The following GRID1 variants were observed in gnomAD, a reference collection of about 807,000 sequenced individuals.
GRID1 encodes glutamate ionotropic receptor delta type subunit 1.
Under a neutral mutation model 98.0 loss-of-function variants are expected in GRID1, and 28 were observed. That is an observed-to-expected ratio of 0.29 (90% CI 0.21 to 0.39). The LOEUF is 0.39. Ranked by LOEUF, GRID1 falls within the 10% of genes least tolerant of loss-of-function variation. GRID1 has a pLI of 1.00. For synonymous variants in GRID1, 553 were observed against 538.5 expected, an observed-to-expected ratio of 1.03 and a Z score of -0.37; for missense variants, 1,111 against 1,340.5, an observed-to-expected ratio of 0.83 and a Z score of 2.67.
intron 15 of GRID1, among the ~76,000 whole-genome samples, chr10:85,608,248 G>A (rs1842695028): frequency 1.3e-5 from 2 of 152,118 alleles, no homozygotes. Context: ...TAAATCAGTG[G>A]TTTTCATCCT....
intron 2 of GRID1, among the ~76,000 whole-genome samples, chr10:86,217,161 G>A (rs1564709305): frequency 6.6e-6 from 1 of 152,106 alleles, no homozygotes; most frequent in Admixed American, 6.5e-5. Flanking sequence ...TTACAGCATT[G>A]CCTAAAATCA....
chr10:85,991,100 G>A (rs1198349915), intron 4 of GRID1, among the ~76,000 whole-genome samples: 2 of 152,170 alleles, frequency 1.3e-5, no homozygotes, highest in Non-Finnish European at 2.9e-5. Flanking sequence ...TGAGGGAAGG[G>A]GGCAAGAGTA....
intron 5 of GRID1, among the ~76,000 whole-genome samples, chr10:85,886,142 G>A (rs1031981355): frequency 6.6e-6 from 1 of 152,184 alleles, no homozygotes; most frequent in Non-Finnish European, 1.5e-5. Flanking sequence ...TCTGGTTGTT[G>A]AGACATAAGG....
chr10:86,012,396 G>A (rs559420663), intron 4 of GRID1, among the ~76,000 whole-genome samples: 1 of 152,298 alleles, frequency 6.6e-6, no homozygotes, highest in South Asian at 2.1e-4. Context: ...GGCAGAGCCA[G>A]AGGGGTCGTC....
rs1564613268 is a variant in GRID1, at chr10:85,865,934, T to TACACATATATAC, written c.951+3075_951+3076insGTATATATGTGT. Among the ~76,000 whole-genome samples, 310 of 111,542 alleles carry TACACATATATAC rather than the reference T, an allele frequency of 2.8e-3. 3 individuals carry two copies. The highest frequency in any genetic ancestry group is 0.011 in the African/African-American group (299 of 27,434). 73.2% of individuals were successfully genotyped at this position (111,542 alleles called of 152,430 possible). A position where few individuals can be genotyped will look rare whatever the true frequency, so the allele number is the denominator to read the frequency against. On this transcript the variant is annotated intron_variant, in intron 6 of 15. Transcript: ENST00000327946. ...ATACATATATATATATATATATATA[T>TACACATATATAC]ATATATATACACATATATATGGAGA...
chr10:86,287,199 G>A (rs974201423), intron 2 of GRID1, among the ~76,000 whole-genome samples: 3 of 152,174 alleles, frequency 2.0e-5, no homozygotes, highest in African/African-American at 7.2e-5. Flanking sequence ...GTAGAAACAG[G>A]ACCAGACAGA....
chr10:86,208,067 G>GGA (rs765233584), intron 2 of GRID1, among the ~76,000 whole-genome samples: 8 of 152,130 alleles, frequency 5.3e-5, no homozygotes, highest in African/African-American at 1.2e-4. Flanking sequence ...GATAAGGCTG[G>GGA]GAGAGAGAGA....
intron 4 of GRID1, among the ~76,000 whole-genome samples, chr10:85,943,143 A>G (rs1457692042): frequency 6.6e-6 from 1 of 152,194 alleles, no homozygotes; most frequent in Non-Finnish European, 1.5e-5. Context: ...TATTTCTGGC[A>G]GATAAATTCC....
intron 3 of GRID1, among the ~76,000 whole-genome samples, chr10:86,153,751 C>T (rs1845203299): frequency 6.6e-6 from 1 of 152,122 alleles, no homozygotes; most frequent in Admixed American, 6.5e-5. Flanking sequence ...CCTGCTAAGC[C>T]CCCAAATTAA....
rs113373188 is a variant in GRID1, at chr10:86,117,115, T to A, written c.726+21704A>T. Reference sequence around the variant, plus strand: ...ACCACCACCATTACCACCACCACCATTACCACAATCAGCAATACTACCACC... The same window carrying A: ...ACCACCACCATTACCACCACCACCAATACCACAATCAGCAATACTACCACC... On this transcript the variant is annotated intron_variant, in intron 4 of 15. Transcript: ENST00000327946. Among the ~76,000 whole-genome samples, 320 of 143,524 alleles carry A rather than the reference T, an allele frequency of 2.2e-3. 2 individuals are homozygous for A. The highest frequency in any genetic ancestry group is 7.7e-3 in the African/African-American group (301 of 38,984). The allele number at this position is 143,524 out of a possible 152,430, so 94.2% of individuals were successfully genotyped here.
intron 8 of GRID1, among the ~76,000 whole-genome samples, chr10:85,737,076 G>GA (rs1841890392): frequency 6.6e-6 from 1 of 152,098 alleles, no homozygotes; most frequent in African/African-American, 2.4e-5. Context: ...GACCACTCTT[G>GA]AACATCTCAG....
Position 86,331,830 on chromosome 10 carries a change from A to C in GRID1, c.235+32111T>G, listed in dbSNP as rs183432182. On this transcript the variant is annotated intron_variant, in intron 2 of 15. Transcript: ENST00000327946. ...TGGCACAGAACAAGCGCTCAGTAAA[A>C]GCAAAGCCACTGCCTATTCTCCAGT... Among the ~76,000 whole-genome samples the C allele has an allele frequency of 3.3e-5, 5 of 152,286 alleles. No homozygotes were observed. In the East Asian group the frequency reaches 9.6e-4, roughly 29 times the overall value.
intron 4 of GRID1, among the ~76,000 whole-genome samples, chr10:85,945,389 C>T (rs1842042768): frequency 6.6e-6 from 1 of 152,170 alleles, no homozygotes; most frequent in East Asian, 1.9e-4. Context: ...CTTTGTAATA[C>T]AGTAATTCAA....
rs750020562 is a variant in GRID1 at position 85,602,603 on chromosome 10, G to C, written c.2700C>G (p.Leu900=). The change falls in exon 16 of 16, where the codon CTC becomes CTG. Residue 900 remains leucine (L), a synonymous_variant. Coordinates refer to ENST00000327946, the MANE Select transcript of GRID1 (RefSeq NM_017551.3). The part of the protein sequence containing the change: ...HKQISPASIE[L]SALEMGGLAP... ...CCAGGCCCCCCATCTCCAGGGCCGA[G>C]AGCTCAATCGACGCTGGGGAAATCT... The C allele has an allele frequency of 1.2e-6, 2 of 1,614,066 alleles. No individual in the cohort carries two copies. Among genetic ancestry groups the C allele is most frequent in the Non-Finnish European group, 1.7e-6 (2 of 1,179,992 alleles).
intron 3 of GRID1, among the ~76,000 whole-genome samples, chr10:86,200,835 A>G (rs988155848): frequency 2.0e-5 from 3 of 152,224 alleles, no homozygotes; most frequent in Admixed American, 6.5e-5. Context: ...AAGATACCCA[A>G]CCTCATCTAT....
chr10:86,047,473 C>T (rs1309418180), intron 4 of GRID1, among the ~76,000 whole-genome samples: 1 of 152,202 alleles, frequency 6.6e-6, no homozygotes, highest in Non-Finnish European at 1.5e-5. Flanking sequence ...GGACTTGTTG[C>T]TAATAGGGTG....
At chr10:85,686,278 T>C (rs564431100) in intron 12 of GRID1, among the ~76,000 whole-genome samples, 3 of 152,276 alleles carry the variant, frequency 2.0e-5, no homozygotes, top group Non-Finnish European at 4.4e-5. Flanking sequence ...TCAAAGTCCA[T>C]GGACTTTACA....
intron 4 of GRID1, among the ~76,000 whole-genome samples, chr10:86,080,195 G>A (rs546692596): frequency 9.9e-5 from 15 of 151,688 alleles, no homozygotes; most frequent in African/African-American, 1.5e-4. Context: ...TTAGCTGGGC[G>A]TGGTGGCACA....
intron 4 of GRID1, among the ~76,000 whole-genome samples, chr10:86,057,511 G>A (rs1043990255): frequency 5.3e-5 from 8 of 152,138 alleles, no homozygotes; most frequent in African/African-American, 1.7e-4. Context: ...ACGACACCCT[G>A]CAGTCTCAAC....
Sources: allele counts gnomAD v4.1 joint callset (sites outside exome capture counted in the v4.1 genomes callset), GRCh38; gene constraint gnomAD v4.1.1; transcripts MANE v1.5; gene names NCBI Gene and HGNC (gene_info 2026-07-23, HGNC 2026-07-21).